DIAPH2: variants seen among roughly 807,000 people sequenced by gnomAD.
DIAPH2 encodes diaphanous related formin 2.
A neutral mutation model predicts 92.7 loss-of-function variants in DIAPH2; 35 were observed. The observed-to-expected ratio is 0.38, with a 90% CI of 0.29 to 0.50. DIAPH2 has a LOEUF of 0.50. Among genes scored for constraint, DIAPH2 ranks in the 20% least tolerant of loss-of-function variants. DIAPH2 has a pLI of 0.94. For synonymous variants in DIAPH2, 301 were observed against 280.4 expected, an observed-to-expected ratio of 1.07 and a Z score of -0.73; for missense variants, 701 against 819.5, an observed-to-expected ratio of 0.86 and a Z score of 1.77.
intron 23 of DIAPH2, among the ~76,000 whole-genome samples, chrX:97,305,824 C>CAAAAAAAAAAAAAAAAAAAAA (rs754094514): frequency 1.0e-4 from 5 of 49,223 alleles, no homozygotes; most frequent in African/African-American, 3.7e-4. Context: ...ACTCCTTCTC[C>CAAAAAAAAAAAAAAAAAAAAA]AAAAAAAAAA....
chrX:97,210,813 C>T (rs1156657939), intron 22 of DIAPH2, among the ~76,000 whole-genome samples: 1 of 111,787 alleles, frequency 8.9e-6, no homozygotes, highest in African/African-American at 3.2e-5. Context: ...ATACCCGCTT[C>T]ATTAAGCATG....
rs55924549 is a variant in DIAPH2, at chrX:96,851,060, A to G, written c.448-30519A>G. On this transcript the variant is annotated intron_variant, in intron 4 of 26. Transcript: ENST00000324765. ...GCATTAACATCTTTTGTTCCCTAGAATGTACTTATTGAAGCAGGAATGTGG... is the reference window on the plus strand; with the variant it reads ...GCATTAACATCTTTTGTTCCCTAGAGTGTACTTATTGAAGCAGGAATGTGG... Among the ~76,000 whole-genome samples, 690 of 111,165 alleles carry G rather than the reference A, an allele frequency of 6.2e-3. 8 individuals carry two copies. The highest frequency in any genetic ancestry group is 0.021 in the African/African-American group (654 of 30,590).
intron 1 of DIAPH2, among the ~76,000 whole-genome samples, chrX:96,714,809 T>C (rs1204312836): frequency 8.9e-6 from 1 of 112,179 alleles, no homozygotes; most frequent in Non-Finnish European, 1.9e-5. Context: ...TTGGCAAGTT[T>C]ATTTTGCTTG....
intron 3 of DIAPH2, among the ~76,000 whole-genome samples, chrX:96,749,272 C>T (rs1338230865): frequency 9.4e-6 from 1 of 105,821 alleles, no homozygotes; most frequent in East Asian, 2.9e-4. Flanking sequence ...ATGAGAAAAA[C>T]ATGAACAAGA....
chrX:96,840,678 G>A (rs1381820337), intron 4 of DIAPH2, among the ~76,000 whole-genome samples: 3 of 110,457 alleles, frequency 2.7e-5, no homozygotes, highest in Admixed American at 1.9e-4. Context: ...GCGTGATCTC[G>A]GCTCACTGCA....
intron 15 of DIAPH2, among the ~76,000 whole-genome samples, chrX:96,949,785 A>G (rs897331990): frequency 2.2e-4 from 23 of 106,004 alleles, no homozygotes; most frequent in Admixed American, 5.1e-4. Context: ...GTGTGAAACC[A>G]GGAGGCAGAA....
intron 22 of DIAPH2, among the ~76,000 whole-genome samples, chrX:97,196,366 G>A (rs2067704214): frequency 8.9e-6 from 1 of 112,045 alleles, no homozygotes; most frequent in African/African-American, 3.2e-5. Flanking sequence ...CTTCTTATCT[G>A]CTCTGAAGCC....
rs189817235 is a variant in DIAPH2 at position 96,798,371 on chromosome X, A to G, written c.447+40113A>G. ...TATCTTAATTTCACTCATCTTTTCT[A>G]TTGAAGTGTCTAATCTGCTGGTAAG... is the stretch of plus-strand genomic sequence containing the variant. On this transcript the variant is annotated intron_variant, in intron 4 of 26. Coordinates refer to ENST00000324765, the MANE Select transcript of DIAPH2 (RefSeq NM_006729.5). 1.4e-3 allele frequency among the ~76,000 whole-genome samples: 154 copies of G among 109,665 alleles called. 1 individual carries two copies. Among genetic ancestry groups the G allele is most frequent in the Non-Finnish European group, 2.0e-3 (103 of 52,621 alleles).
At chrX:96,711,336 C>A (rs1360688762) in intron 1 of DIAPH2, among the ~76,000 whole-genome samples, 1 of 111,914 alleles carries the variant, frequency 8.9e-6, no homozygotes, top group Admixed American at 9.5e-5. Flanking sequence ...TCCATGCCAA[C>A]ATCTATTATT....
intron 22 of DIAPH2, among the ~76,000 whole-genome samples, chrX:97,205,707 G>T (rs1197057163): frequency 9.0e-6 from 1 of 111,496 alleles, no homozygotes; most frequent in African/African-American, 3.3e-5. Flanking sequence ...CTATTGGTGG[G>T]AGTGTAAATT....
intron 21 of DIAPH2, among the ~76,000 whole-genome samples, chrX:97,139,445 T>G (rs1262243428): frequency 9.7e-6 from 1 of 103,488 alleles, no homozygotes; most frequent in Non-Finnish European, 2.0e-5. Context: ...TCTCTGTGTG[T>G]TTTTTTTTTT....
At chrX:97,019,382 C>T (rs185187427) in intron 17 of DIAPH2, among the ~76,000 whole-genome samples, 1 of 110,537 alleles carries the variant, frequency 9.0e-6, no homozygotes, top group Non-Finnish European at 1.9e-5. Flanking sequence ...TTGTTCTTAA[C>T]CCACTCTTAT....
intron 17 of DIAPH2, among the ~76,000 whole-genome samples, chrX:96,986,852 C>T (rs754946698): frequency 1.8e-5 from 2 of 111,166 alleles, no homozygotes; most frequent in East Asian, 2.8e-4. Context: ...ACCAGCTATG[C>T]GTTAAATAAA....
intron 23 of DIAPH2, among the ~76,000 whole-genome samples, chrX:97,252,264 C>A (rs1437343021): frequency 9.0e-6 from 1 of 111,627 alleles, no homozygotes; most frequent in East Asian, 2.8e-4. Context: ...CTGGTTAAAT[C>A]ATTTCCCCAA....
intron 25 of DIAPH2, among the ~76,000 whole-genome samples, chrX:97,388,448 C>T (rs1276255574): frequency 8.9e-6 from 1 of 111,793 alleles, no homozygotes; most frequent in East Asian, 2.8e-4. Context: ...AACTCCTAGG[C>T]AGAAGCAATC....
intron 4 of DIAPH2, among the ~76,000 whole-genome samples, chrX:96,786,551 A>C (rs2064458402): frequency 8.9e-6 from 1 of 112,168 alleles, no homozygotes; most frequent in Admixed American, 9.4e-5. Flanking sequence ...AATGTAAACT[A>C]TTGATTCCAA....
chrX:96,689,963 TA>T (rs939795343), intron 1 of DIAPH2, among the ~76,000 whole-genome samples: 2 of 109,203 alleles, frequency 1.8e-5, no homozygotes, highest in Non-Finnish European at 3.8e-5. Flanking sequence ...AGAGGCTTTT[TA>T]AAAAAATGTT....
intron 4 of DIAPH2, among the ~76,000 whole-genome samples, chrX:96,784,867 G>A (rs984560853): frequency 8.9e-6 from 1 of 111,976 alleles, no homozygotes; most frequent in Non-Finnish European, 1.9e-5. Context: ...TACAGTTGGA[G>A]AATAGCAATT....
intron 17 of DIAPH2, among the ~76,000 whole-genome samples, chrX:97,032,639 A>C (rs573039237): frequency 9.1e-6 from 1 of 110,492 alleles, no homozygotes; most frequent in Non-Finnish European, 1.9e-5. Context: ...TTTTACATCT[A>C]TTACTGCTAT....
Sources: gnomAD v4.1 joint callset for allele counts (sites outside exome capture counted in the v4.1 genomes callset) on GRCh38, gnomAD v4.1.1 for gene constraint, MANE v1.5 for transcripts, NCBI Gene and HGNC (gene_info 2026-07-23, HGNC 2026-07-21) for gene names.